Variants in BMPR1B observed in about 807,000 individuals in gnomAD.
The protein encoded by BMPR1B is bone morphogenetic protein receptor type 1B.
Under a neutral mutation model 59.1 loss-of-function variants are expected in BMPR1B, and 12 were observed. The ratio of observed to expected loss-of-function variants is 0.20; its 90% CI spans 0.13 to 0.33. BMPR1B has a LOEUF of 0.33. Among genes scored for constraint, BMPR1B ranks in the 10% least tolerant of loss-of-function variants. The pLI is 1.00. For synonymous variants in BMPR1B, 237 were observed against 207.3 expected (o/e 1.14, Z -1.23); for missense variants, 550 against 610.9 (o/e 0.90, Z 1.05).
In BMPR1B at chr4:95,131,531, A is replaced by G; in HGVS notation, c.1076+19A>G. 1 of 1,613,040 alleles carries G rather than the reference A, an allele frequency of 6.2e-7. No homozygotes were observed. The highest frequency in any genetic ancestry group is 8.5e-7 in the Non-Finnish European group (1 of 1,179,082). Reference sequence around the variant, plus strand: ...TTATTAGGTTAGTATCAAAGTGAACAAATACATGTTTTATGACTCTTTTCT... The same window carrying G: ...TTATTAGGTTAGTATCAAAGTGAACGAATACATGTTTTATGACTCTTTTCT... On this transcript the variant is annotated intron_variant, in intron 10 of 12. Transcript: ENST00000515059.
intron 1 of BMPR1B, among the ~76,000 whole-genome samples, chr4:94,832,791 T>C (rs1315152190): frequency 6.6e-6 from 1 of 151,602 alleles, no homozygotes; most frequent in African/African-American, 2.4e-5. Flanking sequence ...TCAAAAAAAA[T>C]AAAAATAAGG....
intron 3 of BMPR1B, among the ~76,000 whole-genome samples, chr4:95,070,047 C>T (rs1194047423): frequency 6.6e-6 from 1 of 152,148 alleles, no homozygotes; most frequent in Non-Finnish European, 1.5e-5. Flanking sequence ...TGCCATGAGC[C>T]AAGATTGCGC....
chr4:94,945,963 G>A (rs1021139961), intron 2 of BMPR1B, among the ~76,000 whole-genome samples: 4 of 151,942 alleles, frequency 2.6e-5, no homozygotes, highest in Non-Finnish European at 5.9e-5. Context: ...TGATAACTTT[G>A]AAATAATGTC....
At chr4:95,099,067 A>G (rs1159979840) in intron 3 of BMPR1B, among the ~76,000 whole-genome samples, 3 of 152,136 alleles carry the variant, frequency 2.0e-5, no homozygotes, top group Middle Eastern at 3.2e-3. Context: ...ACTTGTGCAG[A>G]TTGTAGATTA....
chr4:94,784,790 C>T (rs763221774), intron 1 of BMPR1B, among the ~76,000 whole-genome samples: 4 of 152,180 alleles, frequency 2.6e-5, no homozygotes, highest in Admixed American at 1.3e-4. Flanking sequence ...AGTAGCAGCT[C>T]ATGTCATTCT....
At chr4:94,937,707 AACACACACACAG>A (rs1361924972) in intron 2 of BMPR1B, among the ~76,000 whole-genome samples, 2 of 151,082 alleles carry the variant, frequency 1.3e-5, no homozygotes, top group African/African-American at 4.9e-5. Flanking sequence ...TATATGTATA[AACACACACACAG>A]ACACACACAC....
intron 1 of BMPR1B, among the ~76,000 whole-genome samples, chr4:94,810,660 A>G (rs973570013): frequency 6.6e-6 from 1 of 152,232 alleles, no homozygotes; most frequent in African/African-American, 2.4e-5. Context: ...AAAACATCCA[A>G]AATACACTTC....
intron 2 of BMPR1B, among the ~76,000 whole-genome samples, chr4:94,887,250 G>A (rs767233433): frequency 2.0e-5 from 3 of 147,910 alleles, no homozygotes; most frequent in African/African-American, 7.5e-5. Flanking sequence ...AAAAAAAAAG[G>A]TGCCTTTAAA....
chr4:95,008,838 T>A (rs780005159), intron 3 of BMPR1B, among the ~76,000 whole-genome samples: 6 of 152,002 alleles, frequency 3.9e-5, no homozygotes, highest in South Asian at 4.1e-4. Flanking sequence ...ATCCAAATAG[T>A]CAATAAACAT....
chr4:94,930,087 C>A (rs575734611), intron 2 of BMPR1B, among the ~76,000 whole-genome samples: 6 of 152,182 alleles, frequency 3.9e-5, no homozygotes, highest in Admixed American at 1.3e-4. Context: ...AGGATTACAT[C>A]GTTTTTCACC....
intron 2 of BMPR1B, among the ~76,000 whole-genome samples, chr4:94,891,481 T>G (rs2148990523): frequency 6.6e-6 from 1 of 152,164 alleles, no homozygotes; most frequent in South Asian, 2.1e-4. Context: ...AAGTAAAAAC[T>G]TAAGAAGTAT....
chr4:94,846,926 C>T (rs1171678049), intron 1 of BMPR1B, among the ~76,000 whole-genome samples: 2 of 151,712 alleles, frequency 1.3e-5, no homozygotes, highest in Non-Finnish European at 2.9e-5. Context: ...CAGGCACAGG[C>T]AACCAAAGCA....
At chr4:95,154,383 A>G (rs1480807568) in intron 12 of BMPR1B, among the ~76,000 whole-genome samples, 165 bp from the exon 13 acceptor site, 1 of 152,262 alleles carries the variant, frequency 6.6e-6, no homozygotes, top group Non-Finnish European at 1.5e-5. Context: ...TTTTAGTCAT[A>G]TATAATTTTG....
At chr4:94,837,209 T>C (rs554240764) in intron 1 of BMPR1B, among the ~76,000 whole-genome samples, 2 of 148,268 alleles carry the variant, frequency 1.3e-5, no homozygotes, top group East Asian at 3.9e-4. Context: ...TCCAGCTTTG[T>C]TCTTTTGGCT....
intron 1 of BMPR1B, among the ~76,000 whole-genome samples, chr4:94,814,865 A>G (rs1316168366): frequency 6.6e-6 from 1 of 152,058 alleles, no homozygotes; most frequent in Non-Finnish European, 1.5e-5. Flanking sequence ...TTTTAACTCT[A>G]CCACCTCAAA....
chr4:95,133,984 T>C lies in BMPR1B; in HGVS notation c.1076+2472T>C, dbSNP rs867165081. Among the ~76,000 whole-genome samples the C allele has an allele frequency of 2.0e-5, 3 of 152,174 alleles. No individual in the cohort carries two copies. In the East Asian group the frequency reaches 5.8e-4, roughly 30 times the overall value. ...TGTTGGTGTGATGCACCCATTAACT[T>C]GTCATTTACATTAGGTGTATCTCCT... is the stretch of plus-strand genomic sequence containing the variant. On this transcript the variant is annotated intron_variant, in intron 10 of 12. Transcript: ENST00000515059.
intron 3 of BMPR1B, among the ~76,000 whole-genome samples, chr4:95,076,352 TA>T (rs1311269867): frequency 6.6e-6 from 1 of 152,144 alleles, no homozygotes; most frequent in Non-Finnish European, 1.5e-5. Flanking sequence ...AGTTATAATC[TA>T]GTCTTTAAAA....
intron 1 of BMPR1B, among the ~76,000 whole-genome samples, chr4:94,780,946 C>T (rs537853702): frequency 1.3e-5 from 2 of 152,164 alleles, no homozygotes; most frequent in African/African-American, 4.8e-5. Flanking sequence ...CCTCGGCCTC[C>T]CAAAGTTCTG....
In BMPR1B at chr4:95,148,731, C is replaced by T. The variant is rs1266473535; in HGVS notation, c.1077-17C>T. ...TCCTCTTCAATGCTGTAATGCTTTG[C>T]TTTACTTTTTCCTTAGTGATACAAA... On this transcript the variant is annotated splice_polypyrimidine_tract_variant and intron_variant, in intron 10 of 12. Coordinates refer to ENST00000515059, the MANE Select transcript of BMPR1B (RefSeq NM_001203.3). 3 of 1,612,814 alleles carry T rather than the reference C, an allele frequency of 1.9e-6. No individual in the cohort carries two copies. Among genetic ancestry groups the T allele is most frequent in the South Asian group, 2.2e-5 (2 of 91,032 alleles).
Sources: allele counts gnomAD v4.1 joint callset (sites outside exome capture counted in the v4.1 genomes callset), GRCh38; gene constraint gnomAD v4.1.1; transcripts MANE v1.5; gene names NCBI Gene and HGNC (gene_info 2026-07-23, HGNC 2026-07-21).